The following ZNF717 variants were observed in gnomAD, a reference collection of about 807,000 sequenced individuals.
ZNF717 encodes the protein zinc finger protein 717, also known as krueppel-like factor X17.
ZNF717 carries 9 observed loss-of-function variants against 13.8 expected under a neutral mutation model. The ratio of observed to expected loss-of-function variants is 0.65; its 90% CI spans 0.39 to 1.14. ZNF717 has a LOEUF of 1.14. Among genes scored for constraint, ZNF717 ranks in the 50% most tolerant of loss-of-function variants. The pLI is 0.01. For missense variants in ZNF717, 1,040 were observed against 1,080.7 expected (o/e 0.96, Z 0.53); for synonymous variants, 327 against 364.1 (o/e 0.90, Z 1.16).
At chr3:75,760,802 T>C (rs1305320115) in intron 2 of ZNF717, among the ~76,000 whole-genome samples, 9 of 147,676 alleles carry the variant, frequency 6.1e-5, no homozygotes, top group Admixed American at 3.4e-4. Flanking sequence ...AATAACAGAT[T>C]AGAGCAGAGA....
intron 2 of ZNF717, among the ~76,000 whole-genome samples, chr3:75,765,035 A>ATGTATATG (rs1943353047): frequency 1.2e-4 from 10 of 81,800 alleles, no homozygotes; most frequent in Non-Finnish European, 2.8e-4. Flanking sequence ...ATATATGTAT[A>ATGTATATG]TGTGTGTGTG....
chr3:75,751,872 T>A (rs1941857791), intron 2 of ZNF717, among the ~76,000 whole-genome samples: 1 of 151,810 alleles, frequency 6.6e-6, no homozygotes, highest in Non-Finnish European at 1.5e-5. Context: ...AGAACACTAC[T>A]ACGATGGTAT....
At position 75,737,092 on chromosome 3, in the gene ZNF717, C is replaced by G; in HGVS notation, c.2531G>C (p.Cys844Ser). ...GGAGAAAGTTTTCCTACATTCATTA[C>G]ATCTAAAGGGTTTTTCCCCTGTGTG... ...RTHTGEKPFR[C>S]NECRKTFSQK... Residue 844 changes from cysteine (C) to serine (S), a missense_variant, in exon 5 of 5, where the codon TGT (cysteine) becomes TCT (serine). This residue lies in a region of ZNF717 where 873 missense variants were observed against 832.8 expected (regional missense o/e 1.05). Transcript: ENST00000652011. 1 of 1,586,162 alleles carries G rather than the reference C, an allele frequency of 6.3e-7. No individual in the cohort carries two copies. The highest frequency in any genetic ancestry group is 8.6e-7 in the Non-Finnish European group (1 of 1,166,134).
chr3:75,730,441 T>C (rs1231300874), exon 6 of ZNF717: 11 of 499,786 alleles, frequency 2.2e-5, no homozygotes, highest in Non-Finnish European at 2.8e-5. Flanking sequence ...CTATCTGCCA[T>C]GATCACAGCT....
chr3:75,708,397 G>T (rs562173922), downstream of ZNF717, among the ~76,000 whole-genome samples: 251 of 152,394 alleles, frequency 1.6e-3, no homozygotes, highest in African/African-American at 4.9e-3. Context: ...CAGACCTGCA[G>T]CTGAGAGTCC....
chr3:75,711,155 T>C lies in ZNF717; in HGVS notation n.829A>G, dbSNP rs181209522. ...TATTCTGTTTATGAAGAGAAACAGA[T>C]ATTTATTGAGTAAAAATAGAAGAAT... On this transcript the variant is annotated non_coding_transcript_exon_variant, in exon 6 of 6. Transcript: ENST00000491507. 3.3e-5 allele frequency: 5 copies of C among 152,344 alleles called. No individual in the cohort carries two copies. In the South Asian group the frequency reaches 1.0e-3, roughly 32 times the overall value. 9.4% of individuals were successfully genotyped at this position (152,344 alleles called of 1,614,324 possible). A position where few individuals can be genotyped will look rare whatever the true frequency, so the allele number is the denominator to read the frequency against.
intron 6 of ZNF717, among the ~76,000 whole-genome samples, chr3:75,697,816 G>T (rs1235883522): frequency 6.6e-6 from 1 of 152,310 alleles, no homozygotes; most frequent in East Asian, 1.9e-4. Flanking sequence ...GAGTTTGTAG[G>T]ATTCAGAAGA....
intron 2 of ZNF717, among the ~76,000 whole-genome samples, chr3:75,757,536 T>C (rs1325847763): frequency 6.6e-6 from 1 of 152,216 alleles, no homozygotes; most frequent in East Asian, 1.9e-4. Flanking sequence ...TCAATGACAA[T>C]GCTCCTGGTA....
chr3:75,759,175 G>T (rs1192628302), intron 2 of ZNF717, among the ~76,000 whole-genome samples: 1 of 152,018 alleles, frequency 6.6e-6, no homozygotes, highest in Admixed American at 6.5e-5. Flanking sequence ...TATTGCAGTG[G>T]TCTGGAACCA....
chr3:75,780,797 T>C (rs1339500580), intron 2 of ZNF717, among the ~76,000 whole-genome samples: 1 of 152,184 alleles, frequency 6.6e-6, no homozygotes, highest in Admixed American at 6.5e-5. Flanking sequence ...CAAAATGGAG[T>C]TACTCATGCT....
At chr3:75,775,136 T>C (rs1443983390) in intron 2 of ZNF717, among the ~76,000 whole-genome samples, 1 of 150,596 alleles carries the variant, frequency 6.6e-6, no homozygotes, top group Non-Finnish European at 1.5e-5. Context: ...TAATTTTTTT[T>C]TATTTTTAAT....
chr3:75,743,894 A>T (rs1425222618), intron 2 of ZNF717, among the ~76,000 whole-genome samples: 2 of 152,246 alleles, frequency 1.3e-5, no homozygotes, highest in African/African-American at 2.4e-5. Flanking sequence ...GAAACATCTG[A>T]GGTTCCATAT....
intron 2 of ZNF717, among the ~76,000 whole-genome samples, chr3:75,745,965 C>G (rs1575805448): frequency 6.6e-6 from 1 of 152,044 alleles, no homozygotes; most frequent in Admixed American, 6.6e-5. Flanking sequence ...TGTTGGTGTG[C>G]TGCACCCAGT....
chr3:75,760,321 G>C (rs1386082020), intron 2 of ZNF717, among the ~76,000 whole-genome samples: 1 of 152,270 alleles, frequency 6.6e-6, no homozygotes, highest in East Asian at 1.9e-4. Context: ...TGGGATTGCA[G>C]GTGTGAGCCA....
At chr3:75,772,240 A>G (rs1021441748) in intron 2 of ZNF717, among the ~76,000 whole-genome samples, 12 of 152,258 alleles carry the variant, frequency 7.9e-5, no homozygotes, top group Non-Finnish European at 1.2e-4. Context: ...CTGTTGCTCA[A>G]TAAAGCACCT....
chr3:75,713,915 T>C (rs78114616), intron 5 of ZNF717, among the ~76,000 whole-genome samples: 1 of 151,932 alleles, frequency 6.6e-6, no homozygotes, highest in Non-Finnish European at 1.5e-5. Flanking sequence ...GTCACATGGG[T>C]CATGTGTCCA....
At chr3:75,732,047 T>C (rs570659304), downstream of ZNF717, 376 of 702,806 alleles carry the variant, frequency 5.3e-4, no homozygotes, top group African/African-American at 4.3e-3. Context: ...GAGCATAATA[T>C]TGTAAAATTT....
At chr3:75,733,778 C>CAAAAAAA (rs56196464), downstream of ZNF717, among the ~76,000 whole-genome samples, 593 of 26,436 alleles carry the variant, frequency 0.022, 62 homozygotes, top group African/African-American at 0.049. Flanking sequence ...GACTCTATCT[C>CAAAAAAA]AAAAAAAAAA....
chr3:75,729,873 T>C (rs1340984406), downstream of ZNF717: 1 of 152,272 alleles, frequency 6.6e-6, no homozygotes, highest in Non-Finnish European at 1.5e-5. Context: ...TCCCAAGCTT[T>C]ATTTTCCTTT....
Sources: allele counts gnomAD v4.1 joint callset (sites outside exome capture counted in the v4.1 genomes callset), GRCh38; gene constraint gnomAD v4.1.1; regional missense constraint gnomAD v4.1.1; transcripts MANE v1.5; gene names NCBI Gene and HGNC (gene_info 2026-07-23, HGNC 2026-07-21).